The following SATB2 variants were observed in gnomAD, a reference collection of about 807,000 sequenced individuals.
The protein encoded by SATB2 is SATB homeobox 2.
In SATB2, 1 loss-of-function variant was observed where a neutral mutation model predicts 73.4. That is an observed-to-expected ratio of 0.01 (90% CI 0.00 to 0.06). The LOEUF is 0.06. SATB2 is among the 10% of genes least tolerant of loss of function. The pLI is 1.00. For missense variants in SATB2, 459 were observed against 945.8 expected (o/e 0.49, Z 6.75); for synonymous variants, 397 against 367.0 (o/e 1.08, Z -0.93).
At chr2:199,287,154 G>C (rs1462805549) in intron 10 of SATB2, among the ~76,000 whole-genome samples, 1 of 152,160 alleles carries the variant, frequency 6.6e-6, no homozygotes. Flanking sequence ...CTCAAGTGAA[G>C]TAAAAATGTG....
intron 3 of SATB2, among the ~76,000 whole-genome samples, chr2:199,411,446 A>G (rs929474546): frequency 6.6e-6 from 1 of 152,198 alleles, no homozygotes; most frequent in Admixed American, 6.5e-5. Flanking sequence ...TTTTCAACGA[A>G]TACTATTTTA....
rs1692241011 is a variant in SATB2 at position 199,455,328 on chromosome 2, T to C, written c.169+541A>G. Among the ~76,000 whole-genome samples the C allele has an allele frequency of 6.6e-6, 1 of 152,244 alleles. No individual in the cohort carries two copies. Among genetic ancestry groups the C allele is most frequent in the African/African-American group, 2.4e-5 (1 of 41,464 alleles). On this transcript the variant is annotated intron_variant, in intron 2 of 10. Coordinates refer to ENST00000417098, the MANE Select transcript of SATB2 (RefSeq NM_001172509.2). The surrounding 1 kb of genome is among the most constrained non-coding windows in gnomAD (Gnocchi z 4.1). ...TTATAGACAACAGCAGCATTTAAGC[T>C]TCTAAGGGCCTGATGGATTCATGGT...
chr2:199,302,739 C>T (rs1687322056), intron 10 of SATB2, among the ~76,000 whole-genome samples: 1 of 152,098 alleles, frequency 6.6e-6, no homozygotes, highest in Non-Finnish European at 1.5e-5. Context: ...ATTTGTTTCC[C>T]TGGAAGATGT....
At chr2:199,382,381 C>T (rs1689805677) in intron 3 of SATB2, among the ~76,000 whole-genome samples, 1 of 152,312 alleles carries the variant, frequency 6.6e-6, no homozygotes, top group South Asian at 2.1e-4. Context: ...AAATGCAATA[C>T]CACGGTGATT....
rs1689005118 is a variant in SATB2 at position 199,356,935 on chromosome 2, TG to T, written c.701-7763del. Among the ~76,000 whole-genome samples the T allele has an allele frequency of 1.1e-4, 16 of 152,320 alleles. 1 individual carries two copies. The highest frequency in any genetic ancestry group is 9.8e-4 in the Admixed American group (15 of 15,292). ...AACTCTCACAACAATTCTATGACAT[TG>T]ATATTAAGATGCCTACTTTATTAAA... On this transcript the variant is annotated intron_variant, in intron 6 of 10. Transcript: ENST00000417098.
intron 2 of SATB2, among the ~76,000 whole-genome samples, chr2:199,450,262 CCAA>C (rs1490346210): frequency 1.3e-5 from 2 of 152,064 alleles, no homozygotes; most frequent in African/African-American, 4.8e-5. Context: ...AGTGATGATG[CCAA>C]CATTTCATTT....
chr2:199,379,995 C>G (rs570122235), intron 5 of SATB2, among the ~76,000 whole-genome samples: 12 of 152,044 alleles, frequency 7.9e-5, no homozygotes, highest in East Asian at 7.8e-4. Context: ...GCAATCCTCC[C>G]AGCTCAGCCT....
upstream of SATB2, chr2:199,459,632 C>T (rs975993329): frequency 6.5e-6 from 1 of 152,828 alleles, no homozygotes; most frequent in South Asian, 2.1e-4. The surrounding 1 kb of genome is among the most constrained non-coding windows in gnomAD (Gnocchi z 4.2). Flanking sequence ...ACTCTCCCTC[C>T]TAATCCCCAG....
At chr2:199,441,087 T>A (rs1182916125) in intron 2 of SATB2, among the ~76,000 whole-genome samples, 1 of 152,108 alleles carries the variant, frequency 6.6e-6, no homozygotes, top group African/African-American at 2.4e-5. Flanking sequence ...CCTCAGGTGA[T>A]CCGCCTGCCT....
chr2:199,295,263 T>C (rs904440586), intron 10 of SATB2, among the ~76,000 whole-genome samples: 1 of 152,228 alleles, frequency 6.6e-6, no homozygotes, highest in African/African-American at 2.4e-5. Context: ...CAATCAGTTC[T>C]GGAAACACCT....
chr2:199,442,237 C>T (rs995723031), intron 2 of SATB2, among the ~76,000 whole-genome samples: 1 of 152,228 alleles, frequency 6.6e-6, no homozygotes, highest in Non-Finnish European at 1.5e-5. Context: ...CATTGCACTG[C>T]ACTCAGCATC....
chr2:199,367,294 C>G (rs73986411), intron 6 of SATB2, among the ~76,000 whole-genome samples: 90 of 152,212 alleles, frequency 5.9e-4, no homozygotes, highest in African/African-American at 1.9e-3. Flanking sequence ...CAGGATCTAA[C>G]GGGTCCTAAG....
chr2:199,402,134 C>T (rs921244249), intron 3 of SATB2, among the ~76,000 whole-genome samples: 3 of 152,110 alleles, frequency 2.0e-5, no homozygotes, highest in Non-Finnish European at 4.4e-5. Context: ...CACCCGTAAT[C>T]CCAGCACTTT....
At chr2:199,389,771 GATT>G (rs759832309) in intron 3 of SATB2, among the ~76,000 whole-genome samples, 21 of 152,060 alleles carry the variant, frequency 1.4e-4, no homozygotes, top group Non-Finnish European at 2.5e-4. Context: ...TTATCAAGAA[GATT>G]ATTATTTAAA....
intron 3 of SATB2, chr2:199,395,880 G>C (rs1690285281): frequency 6.6e-6 from 1 of 152,286 alleles, no homozygotes; most frequent in Non-Finnish European, 1.5e-5. Flanking sequence ...CACTTAATGG[G>C]AAGCAAACCC....
chr2:199,302,403 C>A (rs1470911451), intron 10 of SATB2, among the ~76,000 whole-genome samples: 4 of 152,088 alleles, frequency 2.6e-5, no homozygotes, highest in African/African-American at 9.7e-5. Flanking sequence ...ATATAATAAA[C>A]CAAGGATGCT....
chr2:199,328,755 G>C lies in SATB2; in HGVS notation c.1329C>G (p.Pro443=). The change falls in exon 8 of 11, where the codon CCC becomes CCG. Residue 443 remains proline (P), a synonymous_variant. Transcript: ENST00000417098. ...YQDERERSMN[P]NVSMVSSASS... is the part of the protein sequence containing the mutation. ...AGGCCGAGGAGACCATGCTCACATTGGGATTCATGCTCCGCTCCCTCTCAT... is the reference window on the plus strand; with the variant it reads ...AGGCCGAGGAGACCATGCTCACATTCGGATTCATGCTCCGCTCCCTCTCAT... The C allele has an allele frequency of 6.2e-7, 1 of 1,613,872 alleles. No homozygotes were observed. The highest frequency in any genetic ancestry group is 8.5e-7 in the Non-Finnish European group (1 of 1,179,936).
intron 2 of SATB2, among the ~76,000 whole-genome samples, chr2:199,437,978 G>A (rs1252906784): frequency 1.3e-5 from 2 of 152,134 alleles, no homozygotes; most frequent in South Asian, 2.1e-4. Flanking sequence ...TAAAAGCACA[G>A]TAAAACTACC....
chr2:199,467,849 G>T (rs1692623106), upstream of SATB2, among the ~76,000 whole-genome samples: 1 of 152,084 alleles, frequency 6.6e-6, no homozygotes, highest in Admixed American at 6.6e-5. Flanking sequence ...GCAGAATGGG[G>T]TGTCCCTGCC....
Sources: allele counts gnomAD v4.1 joint callset (sites outside exome capture counted in the v4.1 genomes callset), GRCh38; gene constraint gnomAD v4.1.1; non-coding constraint Gnocchi (gnomAD v3.1); transcripts MANE v1.5; gene names NCBI Gene and HGNC (gene_info 2026-07-23, HGNC 2026-07-21).